CAPN5: variants seen among roughly 807,000 people sequenced by gnomAD.
CAPN5 encodes the protein calpain-5.
CAPN5 carries 54 observed loss-of-function variants against 73.0 expected under a neutral mutation model. The observed-to-expected ratio is 0.74, with a 90% confidence interval of 0.59 to 0.93. The LOEUF (loss-of-function observed/expected upper bound fraction) is 0.93, where lower values mean the gene tolerates loss of function less well. Among genes scored for constraint, CAPN5 ranks in the 40% least tolerant of loss-of-function variants. CAPN5 has a pLI of 0.00. For missense variants in CAPN5, 785 were observed against 882.9 expected (o/e 0.89, Z 1.41); for synonymous variants, 335 against 356.9 (o/e 0.94, Z 0.69).
At chr11:77,112,504 C>A in intron 3 of CAPN5, 85 bp from the exon 4 acceptor site, 2 of 1,065,280 alleles carry the variant, frequency 1.9e-6, no homozygotes, top group African/African-American at 1.6e-5. Flanking sequence ...TTCCGATTCG[C>A]TGGAAGCACA....
At chr11:77,084,099 G>A (rs1950056565) in intron 1 of CAPN5, among the ~76,000 whole-genome samples, 1 of 152,186 alleles carries the variant, frequency 6.6e-6, no homozygotes, top group Non-Finnish European at 1.5e-5. Flanking sequence ...CAGCGCACCT[G>A]ATATGCAGGC....
chr11:77,103,455 G>A (rs906237220), intron 3 of CAPN5: 8 of 1,181,024 alleles, frequency 6.8e-6, no homozygotes, highest in Middle Eastern at 2.8e-4. Context: ...CTTGCCCAGA[G>A]GCCCCCTGAG....
intron 9 of CAPN5, chr11:77,120,458 A>G: frequency 2.4e-6 from 1 of 424,782 alleles, no homozygotes; most frequent in Non-Finnish European, 4.2e-6. Flanking sequence ...CCATCACCAC[A>G]ATCAACTGTA....
chr11:77,089,430 G>A (rs960555114), intron 2 of CAPN5, among the ~76,000 whole-genome samples: 3 of 152,222 alleles, frequency 2.0e-5, no homozygotes, highest in Non-Finnish European at 2.9e-5. Context: ...CTGCCTGTGG[G>A]CAGAGACCTT....
chr11:77,117,109 C>A (rs1412365094), intron 7 of CAPN5, among the ~76,000 whole-genome samples: 2 of 151,974 alleles, frequency 1.3e-5, no homozygotes, highest in Non-Finnish European at 2.9e-5. Context: ...GATGATGTAC[C>A]CCTGTAGTCT....
rs375839067 is a variant in CAPN5 at position 77,081,643 on chromosome 11, C to G, written c.-35-3209C>G. Among the ~76,000 whole-genome samples, 143 of 152,278 alleles carry G rather than the reference C, an allele frequency of 9.4e-4. 1 individual carries two copies. Among genetic ancestry groups the G allele is most frequent in the African/African-American group, 3.0e-3 (126 of 41,556 alleles). Reference sequence around the variant, plus strand: ...CTCTTCCAGACAAGGACCATGCAGACCAGTGAGGTAATGCGGCCTGCTCAG... The same window carrying G: ...CTCTTCCAGACAAGGACCATGCAGAGCAGTGAGGTAATGCGGCCTGCTCAG... On this transcript the variant is annotated intron_variant, in intron 1 of 12. Coordinates refer to ENST00000648180, the MANE Select transcript of CAPN5 (RefSeq NM_004055.5).
intron 3 of CAPN5, 119 bp downstream of exon 3, chr11:77,093,932 G>A: frequency 5.6e-6 from 8 of 1,423,210 alleles, no homozygotes; most frequent in South Asian, 2.7e-5. Flanking sequence ...CCTGTGCCAG[G>A]GATGGGGTGG....
chr11:77,113,928 G>A (rs1591143627), intron 4 of CAPN5, among the ~76,000 whole-genome samples: 1 of 152,056 alleles, frequency 6.6e-6, no homozygotes, highest in East Asian at 1.9e-4. Context: ...TTCCCAGCAG[G>A]AGGTCTATAC....
intron 1 of CAPN5, among the ~76,000 whole-genome samples, chr11:77,073,370 C>T (rs1271253549): frequency 3.9e-5 from 6 of 152,152 alleles, no homozygotes; most frequent in African/African-American, 1.2e-4. Flanking sequence ...CTCCCTTGGC[C>T]GCTTGCTTAC....
chr11:77,098,070 C>A (rs1950232126), intron 3 of CAPN5, among the ~76,000 whole-genome samples: 1 of 92,068 alleles, frequency 1.1e-5, no homozygotes. Flanking sequence ...CCCCTCACCT[C>A]CCGGACGGGG....
chr11:77,113,218 G>A (rs1439968844), intron 4 of CAPN5, among the ~76,000 whole-genome samples: 1 of 152,232 alleles, frequency 6.6e-6, no homozygotes, highest in Non-Finnish European at 1.5e-5. Context: ...CGCCTGCTGG[G>A]CCTCCCTCTT....
chr11:77,121,909 C>T (rs781979773), intron 10 of CAPN5, 25 bp from the exon 11 acceptor site: 13 of 1,390,064 alleles, frequency 9.4e-6, no homozygotes, highest in Non-Finnish European at 1.3e-5. Context: ...CCATCACTCC[C>T]CTCTCCCCTG....
intron 1 of CAPN5, among the ~76,000 whole-genome samples, chr11:77,074,885 T>C (rs184928580): frequency 5.3e-5 from 8 of 152,318 alleles, no homozygotes; most frequent in Middle Eastern, 6.8e-3. Flanking sequence ...CACCAGTGGC[T>C]GGCCACCAGG....
intron 7 of CAPN5, 115 bp downstream of exon 7, chr11:77,116,418 T>C: frequency 1.3e-6 from 1 of 778,894 alleles, no homozygotes; most frequent in Non-Finnish European, 2.2e-6. Context: ...CCATCATCAA[T>C]TTGCTGTGTG....
intron 1 of CAPN5, among the ~76,000 whole-genome samples, chr11:77,081,688 G>A (rs782179493): frequency 9.2e-5 from 14 of 152,158 alleles, no homozygotes; most frequent in Non-Finnish European, 1.5e-4. Context: ...GGCCTGGGTC[G>A]AGGCTCAGGA....
intron 3 of CAPN5, among the ~76,000 whole-genome samples, chr11:77,097,321 G>C (rs2135442937): frequency 6.6e-6 from 1 of 152,304 alleles, no homozygotes; most frequent in East Asian, 1.9e-4. Context: ...AGTGCACATG[G>C]ATGGAGCACC....
chr11:77,112,884 CT>C, intron 4 of CAPN5, 87 bp downstream of exon 4: 1 of 1,284,346 alleles, frequency 7.8e-7, no homozygotes, highest in Non-Finnish European at 1.1e-6. Context: ...TTAGCCAGGG[CT>C]TTAGGCACAG....
At position 77,084,942 on chromosome 11, in the gene CAPN5, A is replaced by G. The variant is rs782818552; in HGVS notation, c.56A>G (p.Asp19Gly). ...EDQNYSALRRDCRRRKVLFED... is the reference protein window; with the variant it reads ...EDQNYSALRRGCRRRKVLFED... ...CAGAACTACTCAGCCCTGAGGCGGG[A>G]CTGCCGGCGCAGGAAGGTGCTCTTC... is the stretch of plus-strand genomic sequence containing the variant. The change falls in exon 2 of 13, where the codon GAC becomes GGC. Residue 19 changes from aspartate to glycine, a missense_variant. Asp to Gly is a moderately conservative substitution (Grantham distance 94). Coordinates refer to ENST00000648180, the MANE Select transcript of CAPN5 (RefSeq NM_004055.5). 6.2e-7 allele frequency: 1 copy of G among 1,613,822 alleles called. No individual in the cohort carries two copies. Among genetic ancestry groups the G allele is most frequent in the Non-Finnish European group, 8.5e-7 (1 of 1,180,018 alleles).
intron 11 of CAPN5, 86 bp from the exon 12 acceptor site, chr11:77,122,490 G>A (rs541275139): frequency 3.2e-5 from 37 of 1,142,602 alleles, no homozygotes; most frequent in East Asian, 5.2e-5. Context: ...TAACTGAGCC[G>A]GGTGGGCATC....
Sources: gnomAD v4.1 joint callset for allele counts (sites outside exome capture counted in the v4.1 genomes callset) on GRCh38, gnomAD v4.1.1 for gene constraint, MANE v1.5 for transcripts, NCBI Gene and HGNC (gene_info 2026-07-23, HGNC 2026-07-21) for gene names.